Variants in TENM2 observed in about 807,000 individuals in gnomAD.
TENM2 encodes teneurin-2.
Under a neutral mutation model 245.2 loss-of-function variants are expected in TENM2, and 52 were observed. The observed-to-expected ratio is 0.21, with a 90% CI of 0.17 to 0.27. The LOEUF is 0.27. Among genes scored for constraint, TENM2 ranks in the 10% least tolerant of loss-of-function variants. The pLI is 1.00. For missense variants in TENM2, 3,046 were observed against 3,666.8 expected (o/e 0.83, Z 4.37); for synonymous variants, 1,363 against 1,438.9 (o/e 0.95, Z 1.19).
chr5:167,507,360 T>A (rs948039145), intron 2 of TENM2, among the ~76,000 whole-genome samples: 3 of 152,230 alleles, frequency 2.0e-5, no homozygotes, highest in African/African-American at 7.2e-5. Context: ...TCTTGGATAG[T>A]GTTTTGTCAA....
At chr5:167,688,121 C>T (rs916446604) in intron 2 of TENM2, among the ~76,000 whole-genome samples, 5 of 152,088 alleles carry the variant, frequency 3.3e-5, no homozygotes, top group Admixed American at 2.6e-4. Flanking sequence ...ATTTCAGCAA[C>T]GTTATAAAGG....
chr5:167,199,154 C>T, the TENM2 span, among the ~76,000 whole-genome samples: 1 of 150,398 alleles, frequency 6.6e-6, no homozygotes, highest in Admixed American at 6.6e-5. Context: ...TCCCCCTCTG[C>T]CTATAAACAA....
chr5:167,982,467 A>G (rs1180682996), intron 4 of TENM2, among the ~76,000 whole-genome samples: 2 of 152,194 alleles, frequency 1.3e-5, no homozygotes, highest in African/African-American at 4.8e-5. Context: ...AATGCAGTAC[A>G]TACATATATT....
chr5:167,228,007 C>T, the TENM2 span, among the ~76,000 whole-genome samples: 61 of 151,324 alleles, frequency 4.0e-4, no homozygotes, highest in Non-Finnish European at 6.9e-4. Flanking sequence ...TCTTCAAGTT[C>T]TGAGATTCTT....
intron 13 of TENM2, among the ~76,000 whole-genome samples, chr5:168,184,019 G>T (rs533278906): frequency 6.6e-6 from 1 of 152,116 alleles, no homozygotes; most frequent in Non-Finnish European, 1.5e-5. Flanking sequence ...TGACTAAGAT[G>T]AAGATCAAGA....
At chr5:167,075,535 T>C in the TENM2 span, among the ~76,000 whole-genome samples, 1 of 152,174 alleles carries the variant, frequency 6.6e-6, no homozygotes, top group South Asian at 2.1e-4. Flanking sequence ...TCTTAGAATC[T>C]CAAGTTCAGA....
intron 3 of TENM2, among the ~76,000 whole-genome samples, chr5:167,909,703 G>A (rs914568863): frequency 6.6e-6 from 1 of 152,156 alleles, no homozygotes; most frequent in African/African-American, 2.4e-5. Flanking sequence ...AAGTTTAGAG[G>A]ACTGTATTAT....
In TENM2 at chr5:168,198,969, C is replaced by A. The variant is rs763448515; in HGVS notation, c.3017C>A (p.Thr1006Asn). Residue 1006 changes from threonine (T) to asparagine (N), a missense_variant, in exon 16 of 29, where the codon ACC becomes AAC. Around this residue, in one of 2 missense-constraint regions of TENM2, gnomAD observed 2,704 missense variants for 3,331.9 expected, o/e 0.81. Coordinates refer to ENST00000518659, the Ensembl canonical transcript of TENM2. ...TGGAACAGCTTTTACGCCATGGACA[C>A]CCTGGTGATGAAGACCGAGGAGAAC... The A allele has an allele frequency of 6.2e-6, 10 of 1,613,906 alleles. No individual in the cohort carries two copies. The South Asian group carries it at 9.9e-5, about 16-fold the overall frequency.
At chr5:168,215,973 G>T (rs1174786336) in intron 21 of TENM2, among the ~76,000 whole-genome samples, 1 of 152,210 alleles carries the variant, frequency 6.6e-6, no homozygotes, top group African/African-American at 2.4e-5. Context: ...ATTAAGAATG[G>T]GTATAATTTC....
chr5:167,839,941 C>G (rs1769346978), intron 2 of TENM2, among the ~76,000 whole-genome samples: 1 of 152,196 alleles, frequency 6.6e-6, no homozygotes, highest in Non-Finnish European at 1.5e-5. Flanking sequence ...CTTCAGCCTC[C>G]CAAGTAGCTG....
chr5:168,249,504 G>T (rs886251005), intron 27 of TENM2, among the ~76,000 whole-genome samples: 1 of 147,628 alleles, frequency 6.8e-6, no homozygotes, highest in Non-Finnish European at 1.5e-5. Context: ...AGATTTTCAA[G>T]ATTGGCATAA....
intron 2 of TENM2, among the ~76,000 whole-genome samples, chr5:167,567,392 A>G (rs1030195662): frequency 1.3e-5 from 2 of 152,144 alleles, no homozygotes; most frequent in African/African-American, 2.4e-5. Context: ...TTCTTCCACA[A>G]TGTTCTTTCA....
chr5:167,831,361 A>T (rs932511806), intron 2 of TENM2, among the ~76,000 whole-genome samples: 4 of 151,994 alleles, frequency 2.6e-5, no homozygotes, highest in African/African-American at 9.7e-5. Flanking sequence ...AGACCCACTC[A>T]TGCATATCTT....
intron 16 of TENM2, 67 bp from the exon 19 acceptor site, chr5:168,199,797 A>C: frequency 6.6e-7 from 1 of 1,526,126 alleles, no homozygotes; most frequent in East Asian, 2.3e-5. Flanking sequence ...GACAGACAGT[A>C]TCGGGGTTAC....
At chr5:167,685,828 G>T (rs548469849) in intron 2 of TENM2, among the ~76,000 whole-genome samples, 1 of 152,162 alleles carries the variant, frequency 6.6e-6, no homozygotes, top group Non-Finnish European at 1.5e-5. Context: ...TATAGAGGGC[G>T]TGCAGCACCA....
chr5:167,752,337 C>T (rs1762020018), intron 2 of TENM2, among the ~76,000 whole-genome samples: 1 of 144,260 alleles, frequency 6.9e-6, no homozygotes, highest in African/African-American at 2.6e-5. Context: ...TGGTCTCAAA[C>T]TCCTGACCTC....
At chr5:167,758,527 T>G (rs1225835421) in intron 2 of TENM2, among the ~76,000 whole-genome samples, 2 of 152,196 alleles carry the variant, frequency 1.3e-5, no homozygotes, top group African/African-American at 4.8e-5. Flanking sequence ...TATAGCAGGC[T>G]GTTTTTCTGT....
At chr5:168,023,407 A>ACT (rs1246528924) in intron 5 of TENM2, among the ~76,000 whole-genome samples, 1 of 151,502 alleles carries the variant, frequency 6.6e-6, no homozygotes, top group East Asian at 2.0e-4. Flanking sequence ...CTGCCAGAGA[A>ACT]CTCTCTCTCT....
chr5:168,188,747 A>G (rs1228989730), intron 13 of TENM2, among the ~76,000 whole-genome samples: 3 of 152,320 alleles, frequency 2.0e-5, no homozygotes, highest in Middle Eastern at 3.4e-3. Flanking sequence ...CCTGAGAATC[A>G]TGTTTAAAAT....
Sources: allele counts gnomAD v4.1 joint callset (sites outside exome capture counted in the v4.1 genomes callset), GRCh38; gene constraint gnomAD v4.1.1; regional missense constraint gnomAD v4.1.1; transcripts MANE v1.5; gene names NCBI Gene and HGNC (gene_info 2026-07-23, HGNC 2026-07-21).